IMMP2L: variants seen among roughly 807,000 people sequenced by gnomAD.
IMMP2L encodes the protein mitochondrial inner membrane protease subunit 2.
IMMP2L carries 18 observed loss-of-function variants against 19.3 expected under a neutral mutation model. The ratio of observed to expected loss-of-function variants is 0.93; its 90% CI spans 0.64 to 1.38. IMMP2L has a LOEUF of 1.38. Ranked by LOEUF, IMMP2L falls within the 40% of genes most tolerant of loss-of-function variation. The pLI, the probability that IMMP2L is intolerant of heterozygous loss-of-function variation, is 0.00. For missense variants in IMMP2L, 233 were observed against 218.2 expected (o/e 1.07, Z -0.43); for synonymous variants, 76 against 73.0 (o/e 1.04, Z -0.21).
chr7:111,505,507 G>A (rs1844793983), intron 2 of IMMP2L, among the ~76,000 whole-genome samples: 1 of 152,036 alleles, frequency 6.6e-6, no homozygotes, highest in South Asian at 2.1e-4. Flanking sequence ...TCATGCTGCT[G>A]TAAAGGCACA....
At chr7:111,043,544 T>C (rs1792095917) in intron 3 of IMMP2L, among the ~76,000 whole-genome samples, 1 of 152,240 alleles carries the variant, frequency 6.6e-6, no homozygotes, top group Non-Finnish European at 1.5e-5. Context: ...GAGAGTTTTC[T>C]TTAGGTACAA....
At chr7:111,556,858 T>C (rs967949395) in intron 1 of IMMP2L, among the ~76,000 whole-genome samples, 6 of 152,152 alleles carry the variant, frequency 3.9e-5, no homozygotes, top group African/African-American at 9.7e-5. Context: ...CAATCTCTTG[T>C]GATGTTCCAG....
At chr7:111,295,050 T>C (rs1050554455) in intron 3 of IMMP2L, among the ~76,000 whole-genome samples, 3 of 151,912 alleles carry the variant, frequency 2.0e-5, no homozygotes, top group African/African-American at 7.2e-5. Flanking sequence ...TATGTGAAGT[T>C]TCAAACTGCA....
At chr7:111,198,578 A>G (rs1809748667) in intron 3 of IMMP2L, among the ~76,000 whole-genome samples, 1 of 152,200 alleles carries the variant, frequency 6.6e-6, no homozygotes, top group Admixed American at 6.5e-5. Flanking sequence ...ACTGGAATCC[A>G]TAACTATTCC....
At chr7:111,212,605 T>C (rs1048729099) in intron 3 of IMMP2L, among the ~76,000 whole-genome samples, 10 of 152,072 alleles carry the variant, frequency 6.6e-5, no homozygotes, top group Non-Finnish European at 2.9e-5. Context: ...AGTGGGACCC[T>C]GTCCACTACC....
intron 3 of IMMP2L, among the ~76,000 whole-genome samples, chr7:111,429,228 T>C (rs1418356593): frequency 6.6e-6 from 1 of 151,852 alleles, no homozygotes; most frequent in African/African-American, 2.4e-5. Context: ...TTGATATAGG[T>C]ACACACATGT....
chr7:111,042,965 C>A (rs1270180752), intron 3 of IMMP2L, among the ~76,000 whole-genome samples: 2 of 152,168 alleles, frequency 1.3e-5, no homozygotes, highest in Admixed American at 6.6e-5. Context: ...ATAAATACTT[C>A]TTGAATAAAA....
At chr7:111,066,594 A>G (rs1259933754) in intron 3 of IMMP2L, among the ~76,000 whole-genome samples, 1 of 152,224 alleles carries the variant, frequency 6.6e-6, no homozygotes, top group Non-Finnish European at 1.5e-5. Flanking sequence ...AGTAATTCTC[A>G]AAGGCAATGG....
intron 3 of IMMP2L, among the ~76,000 whole-genome samples, chr7:111,445,688 C>A (rs1838288248): frequency 6.6e-6 from 1 of 151,908 alleles, no homozygotes; most frequent in African/African-American, 2.4e-5. Flanking sequence ...AATTAAAGAA[C>A]AGGGAAGAGG....
intron 5 of IMMP2L, among the ~76,000 whole-genome samples, chr7:110,835,074 TCAC>T (rs1269128508): frequency 6.6e-6 from 1 of 152,076 alleles, no homozygotes; most frequent in Non-Finnish European, 1.5e-5. Flanking sequence ...CCTTAGAATC[TCAC>T]CACCAGAGCA....
intron 5 of IMMP2L, among the ~76,000 whole-genome samples, chr7:110,776,103 T>G (rs138911898): frequency 8.1e-4 from 123 of 152,198 alleles, no homozygotes; most frequent in African/African-American, 2.7e-3. Flanking sequence ...TGACTGTGTA[T>G]GTGTGTAAAT....
chr7:111,300,474 T>C (rs891104606), intron 3 of IMMP2L, among the ~76,000 whole-genome samples: 2 of 152,146 alleles, frequency 1.3e-5, no homozygotes, highest in African/African-American at 2.4e-5. Flanking sequence ...TCTAGCCACA[T>C]TGTCATAGTA....
intron 3 of IMMP2L, among the ~76,000 whole-genome samples, chr7:111,240,997 T>G (rs868824130): frequency 3.3e-5 from 5 of 151,846 alleles, no homozygotes; most frequent in South Asian, 4.2e-4. Flanking sequence ...TTATAATAAA[T>G]GAACACTCAG....
At chr7:111,342,426 TA>T (rs1292126722) in intron 3 of IMMP2L, among the ~76,000 whole-genome samples, 4 of 152,100 alleles carry the variant, frequency 2.6e-5, no homozygotes, top group African/African-American at 9.6e-5. Context: ...ACCCTGTCTC[TA>T]CTAAAAATAC....
chr7:111,229,582 T>C (rs1218867722), intron 3 of IMMP2L, among the ~76,000 whole-genome samples: 2 of 152,006 alleles, frequency 1.3e-5, no homozygotes, highest in African/African-American at 2.4e-5. Context: ...TAGGGTTGAT[T>C]GTGTGGTTTA....
At chr7:111,358,323 T>A (rs1828919767) in intron 3 of IMMP2L, among the ~76,000 whole-genome samples, 1 of 151,684 alleles carries the variant, frequency 6.6e-6, no homozygotes, top group African/African-American at 2.4e-5. Context: ...ACTTGTTACT[T>A]AGGCAACCCC....
At chr7:111,451,028 T>C (rs941376452) in intron 3 of IMMP2L, among the ~76,000 whole-genome samples, 1 of 149,234 alleles carries the variant, frequency 6.7e-6, no homozygotes. Context: ...TCACACCAGT[T>C]AGAATGGCGA....
chr7:111,145,454 C>A lies in IMMP2L; in HGVS notation c.240-181889G>T, dbSNP rs115000961. Among the ~76,000 whole-genome samples, 1,440 of 152,108 alleles carry A rather than the reference C, an allele frequency of 9.5e-3. 24 individuals carry two copies. Among genetic ancestry groups the A allele is most frequent in the African/African-American group, 0.033 (1,357 of 41,506 alleles). ...GGCTCTATTAGGAAGAATTAATTAT[C>A]GGAGACCAAACAAAAGGCCATTGCT... On this transcript the variant is annotated intron_variant, in intron 3 of 5. Coordinates refer to ENST00000405709, the MANE Select transcript of IMMP2L (RefSeq NM_032549.4).
At position 110,874,847 on chromosome 7, in the gene IMMP2L, C is replaced by T. The variant is rs114529804; in HGVS notation, c.408+11746G>A. Among the ~76,000 whole-genome samples, 304 of 152,074 alleles carry T rather than the reference C, an allele frequency of 2.0e-3. 2 individuals carry two copies. The highest frequency in any genetic ancestry group is 6.9e-3 in the African/African-American group (285 of 41,498). On this transcript the variant is annotated intron_variant, in intron 5 of 5. Coordinates refer to ENST00000405709, the MANE Select transcript of IMMP2L (RefSeq NM_032549.4). ...GACTGGGAAGTCCAATATTAAGGAA[C>T]CAGCAGGTTTGATGATTCTGATTTC...
Sources: allele counts gnomAD v4.1 joint callset (sites outside exome capture counted in the v4.1 genomes callset), GRCh38; gene constraint gnomAD v4.1.1; transcripts MANE v1.5; gene names NCBI Gene and HGNC (gene_info 2026-07-23, HGNC 2026-07-21).